IMPG1: variants seen among roughly 807,000 people sequenced by gnomAD.
The protein encoded by IMPG1 is interphotoreceptor matrix proteoglycan 1, also known as interphotoreceptor matrix proteoglycan of 150 kDa.
In IMPG1, 85 loss-of-function variants were observed where a neutral mutation model predicts 92.0. The observed-to-expected ratio is 0.92, with a 90% confidence interval of 0.78 to 1.11. IMPG1 has a LOEUF of 1.11. Ranked by LOEUF, IMPG1 falls within the 50% of genes least tolerant of loss-of-function variation. The pLI is 0.00. For synonymous variants in IMPG1, 367 were observed against 334.1 expected (o/e 1.10, Z -1.08); for missense variants, 1,022 against 956.0 (o/e 1.07, Z -0.91).
At chr6:75,939,844 C>G (rs1781809144) in intron 14 of IMPG1, among the ~76,000 whole-genome samples, 2 of 152,216 alleles carry the variant, frequency 1.3e-5, no homozygotes, top group Admixed American at 1.3e-4. Flanking sequence ...GCGCCTTGCT[C>G]TAAGTTGTAA....
chr6:75,966,359 AT>A (rs1490076644), intron 12 of IMPG1, among the ~76,000 whole-genome samples: 1 of 152,170 alleles, frequency 6.6e-6, no homozygotes, highest in Non-Finnish European at 1.5e-5. Context: ...TTGTGGCAGT[AT>A]TTAGAGATGA....
rs769188306 is a variant in IMPG1, at chr6:76,002,868, C to T, written c.1291+50G>A. 5.0e-6 allele frequency: 7 copies of T among 1,412,908 alleles called. No individual in the cohort carries two copies. The African/African-American group carries it at 8.5e-5, about 17-fold the overall frequency. The allele number at this position is 1,412,908 out of a possible 1,614,324, so 87.5% of individuals were successfully genotyped here. ...TTGAGGCAGTATCATAATGGGATTC[C>T]TCAAAGCATATGTTGTCATCTAACA... On this transcript the variant is annotated intron_variant, in intron 12 of 16. Transcript: ENST00000369950.
At chr6:76,022,346 T>G (rs1783447492) in intron 5 of IMPG1, 127 bp from the exon 6 acceptor site, 2 of 466,440 alleles carry the variant, frequency 4.3e-6, no homozygotes, top group South Asian at 4.0e-5. Flanking sequence ...CCTTCTGAAC[T>G]CATCTTTTTA....
chr6:75,931,012 G>A lies in IMPG1; in HGVS notation c.2184C>T (p.Gly728=), dbSNP rs751276582. 1.1e-5 allele frequency: 17 copies of A among 1,614,220 alleles called. No individual in the cohort carries two copies. Among genetic ancestry groups the A allele is most frequent in the South Asian group, 2.2e-5 (2 of 91,078 alleles). ...ATTCCTTTGTGCCAGGGCCACAGAGGCCTGGTTCCAGACCGTCCAGGCTCC... is the reference window on the plus strand; with the variant it reads ...ATTCCTTTGTGCCAGGGCCACAGAGACCTGGTTCCAGACCGTCCAGGCTCC... ...SQGSLDGLEP[G]LCGPGTKECE... The change falls in exon 15 of 17, where the codon GGC becomes GGT. Residue 728 remains glycine (G), a synonymous_variant. Coordinates refer to ENST00000369950, the MANE Select transcript of IMPG1 (RefSeq NM_001563.4).
chr6:76,064,671 C>T (rs562732064), intron 1 of IMPG1, among the ~76,000 whole-genome samples: 149 of 152,300 alleles, frequency 9.8e-4, no homozygotes, highest in African/African-American at 3.5e-3. Flanking sequence ...CACTTAGGTG[C>T]TGAGGGAGCT....
At chr6:76,049,259 G>T (rs1783996101) in intron 1 of IMPG1, among the ~76,000 whole-genome samples, 1 of 152,066 alleles carries the variant, frequency 6.6e-6, no homozygotes, top group Admixed American at 6.6e-5. Flanking sequence ...TTAATAGCTG[G>T]GTGATGAAAT....
At chr6:75,943,890 C>T (rs1470589407) in intron 14 of IMPG1, among the ~76,000 whole-genome samples, 2 of 152,246 alleles carry the variant, frequency 1.3e-5, no homozygotes, top group African/African-American at 2.4e-5. Flanking sequence ...AAGTCTGGCA[C>T]AACAGAAACT....
At chr6:76,013,984 A>G (rs1783236850) in intron 7 of IMPG1, among the ~76,000 whole-genome samples, 1 of 152,192 alleles carries the variant, frequency 6.6e-6, no homozygotes, top group African/African-American at 2.4e-5. Context: ...ACATAAGAGG[A>G]ATCACAGTGA....
At chr6:76,035,056 T>C (rs1473767660) in intron 2 of IMPG1, among the ~76,000 whole-genome samples, 1 of 151,184 alleles carries the variant, frequency 6.6e-6, no homozygotes, top group Non-Finnish European at 1.5e-5. Context: ...TAAAATAGAG[T>C]GGTTGAGGAA....
intron 12 of IMPG1, among the ~76,000 whole-genome samples, chr6:75,986,882 A>C (rs1782726623): frequency 6.6e-6 from 1 of 152,248 alleles, no homozygotes; most frequent in African/African-American, 2.4e-5. Flanking sequence ...GATGATTCTA[A>C]TGAAACAGGA....
chr6:75,974,433 C>T (rs1393297846), intron 12 of IMPG1, among the ~76,000 whole-genome samples: 2 of 130,674 alleles, frequency 1.5e-5, no homozygotes, highest in African/African-American at 2.9e-5. Context: ...TCCTTGCTTC[C>T]TTCCTTCCTT....
chr6:76,002,097 A>G lies in IMPG1; in HGVS notation c.1291+821T>C, dbSNP rs113951622. On this transcript the variant is annotated intron_variant, in intron 12 of 16. Coordinates refer to ENST00000369950, the MANE Select transcript of IMPG1 (RefSeq NM_001563.4). Reference sequence around the variant, plus strand: ...CCAGTCATTGCAAATCTCCAATGGCATTTGTACTTATAATCACAGTACATT... The same window carrying G: ...CCAGTCATTGCAAATCTCCAATGGCGTTTGTACTTATAATCACAGTACATT... Among the ~76,000 whole-genome samples, 341 of 152,304 alleles carry G rather than the reference A, an allele frequency of 2.2e-3. 2 individuals are homozygous for G. The highest frequency in any genetic ancestry group is 7.3e-3 in the African/African-American group (303 of 41,558).
chr6:75,954,457 G>T (rs915236453), intron 12 of IMPG1, among the ~76,000 whole-genome samples: 1 of 152,050 alleles, frequency 6.6e-6, no homozygotes, highest in East Asian at 1.9e-4. Flanking sequence ...TTTTGATGGG[G>T]TTGTTTGTTT....
intron 1 of IMPG1, among the ~76,000 whole-genome samples, chr6:76,070,689 T>A (rs1048642259): frequency 6.6e-6 from 1 of 152,118 alleles, no homozygotes; most frequent in Admixed American, 6.6e-5. Context: ...TGGAGGCTGC[T>A]CTCTTAAGTG....
At chr6:76,036,597 AC>A (rs1783746055) in intron 2 of IMPG1, among the ~76,000 whole-genome samples, 1 of 152,226 alleles carries the variant, frequency 6.6e-6, no homozygotes, top group Non-Finnish European at 1.5e-5. Flanking sequence ...TATTTTTGTT[AC>A]AAAAAAGTAT....
intron 1 of IMPG1, among the ~76,000 whole-genome samples, chr6:76,042,329 G>T (rs115414434): frequency 1.3e-5 from 2 of 152,036 alleles, no homozygotes; most frequent in South Asian, 4.1e-4. Flanking sequence ...CCGATCAAGC[G>T]TATTTTTAAA....
intron 1 of IMPG1, among the ~76,000 whole-genome samples, chr6:76,064,386 T>TC (rs1351585286): frequency 4.2e-5 from 5 of 120,208 alleles, no homozygotes; most frequent in African/African-American, 1.5e-4. Flanking sequence ...TTTTTTTTTT[T>TC]AATGGCCATT....
chr6:75,969,689 C>T (rs1476725107), intron 12 of IMPG1, among the ~76,000 whole-genome samples: 9 of 151,990 alleles, frequency 5.9e-5, no homozygotes, highest in South Asian at 2.1e-4. Flanking sequence ...ACTAAGATCA[C>T]GCCACAGTAC....
chr6:76,050,361 T>A (rs922756532), intron 1 of IMPG1, among the ~76,000 whole-genome samples: 1 of 152,140 alleles, frequency 6.6e-6, no homozygotes, highest in African/African-American at 2.4e-5. Context: ...GAGAATCGCT[T>A]GAACCTGGGA....
Sources: allele counts gnomAD v4.1 joint callset (sites outside exome capture counted in the v4.1 genomes callset), GRCh38; gene constraint gnomAD v4.1.1; transcripts MANE v1.5; gene names NCBI Gene and HGNC (gene_info 2026-07-23, HGNC 2026-07-21).